The following ADPRHL1 variants were observed in gnomAD, a reference collection of about 807,000 sequenced individuals.
ADPRHL1 encodes the protein inactive ADP-ribosyltransferase ARH2.
In ADPRHL1, 43 loss-of-function variants were observed where a neutral mutation model predicts 44.1. The observed-to-expected ratio is 0.98, with a 90% CI of 0.76 to 1.26. The LOEUF (loss-of-function observed/expected upper bound fraction) is 1.26. Ranked by LOEUF, ADPRHL1 falls within the 50% of genes most tolerant of loss-of-function variation. The probability of loss-of-function intolerance (pLI) is 0.00; values close to 1 mark genes in which losing one functional copy is unlikely to be tolerated. For synonymous variants in ADPRHL1, 878 were observed against 1,017.4 expected (o/e 0.86, Z 2.61); for missense variants, 2,022 against 2,496.9 (o/e 0.81, Z 4.05).
chr13:113,412,579 CCT>C (rs1566467488), intron 7 of ADPRHL1, among the ~76,000 whole-genome samples: 1 of 152,246 alleles, frequency 6.6e-6, no homozygotes, highest in South Asian at 2.1e-4. Flanking sequence ...GGGCGGGACC[CCT>C]GTTGGTTCTG....
chr13:113,434,554 G>A (rs2044033707), intron 2 of ADPRHL1, among the ~76,000 whole-genome samples: 1 of 147,088 alleles, frequency 6.8e-6, no homozygotes, highest in Non-Finnish European at 1.5e-5. Flanking sequence ...CCGGGACCCG[G>A]CACCCAGGTG....
chr13:113,419,344 T>G (rs1482367045), intron 7 of ADPRHL1, among the ~76,000 whole-genome samples: 2 of 145,794 alleles, frequency 1.4e-5, no homozygotes, highest in Non-Finnish European at 3.0e-5. Flanking sequence ...CTCAAACTCC[T>G]AAGCTCAAGC....
chr13:113,405,207 C>G lies in ADPRHL1; in HGVS notation c.4075G>C (p.Glu1359Gln). The change falls in exon 8 of 8, where the codon GAG becomes CAG. Residue 1359 changes from glutamate (E) to glutamine (Q), a missense_variant. By Grantham distance (29) the Glu-to-Gln change is conservative. This residue lies in a region of ADPRHL1 where 1,221 missense variants were observed against 1,517.8 expected (regional missense o/e 0.80). Coordinates refer to ENST00000612156, the MANE Select transcript of ADPRHL1 (RefSeq NM_001394807.1). ...TQAKLRASVP[E>Q]PRTQAGESQE... Reference sequence around the variant, plus strand: ...GATTCACCTGCCTGCGTCCTAGGCTCGGGGACACTGGCCCGGAGCTTTGCC... The same window carrying G: ...GATTCACCTGCCTGCGTCCTAGGCTGGGGGACACTGGCCCGGAGCTTTGCC... 8.1e-7 allele frequency: 1 copy of G among 1,231,914 alleles called. No homozygotes were observed. The highest frequency in any genetic ancestry group is 1.0e-6 in the Non-Finnish European group (1 of 988,102). The allele number at this position is 1,231,914 out of a possible 1,614,324, so 76.3% of individuals were successfully genotyped here.
rs115710551 is a variant in ADPRHL1, at chr13:113,429,359, T to C, written c.506-267A>G. ...CTCCCCAGGCCCTGGCCGCCCCCAG[T>C]TGACTTTTCTGTCTCCGGATGTGAC... On this transcript the variant is annotated intron_variant, in intron 3 of 7. Transcript: ENST00000612156. Among the ~76,000 whole-genome samples the C allele has an allele frequency of 4.1e-3, 617 of 152,300 alleles. 5 individuals are homozygous for C. The highest frequency in any genetic ancestry group is 0.014 in the African/African-American group (578 of 41,576).
At chr13:113,450,147 G>A (rs1475954473) in intron 1 of ADPRHL1, among the ~76,000 whole-genome samples, 1 of 152,060 alleles carries the variant, frequency 6.6e-6, no homozygotes, top group Non-Finnish European at 1.5e-5. Flanking sequence ...AGAACTCCTG[G>A]GCTCAGGCAA....
At position 113,424,233 on chromosome 13, in the gene ADPRHL1, C is replaced by G. The variant is rs1340247445; in HGVS notation, c.891G>C (p.Arg297=). The G allele has an allele frequency of 6.2e-7, 1 of 1,612,698 alleles. No individual in the cohort carries two copies. Among genetic ancestry groups the G allele is most frequent in the Non-Finnish European group, 8.5e-7 (1 of 1,179,866 alleles). Residue 297 remains arginine, a synonymous_variant, in exon 6 of 8, where the codon CGG becomes CGC. Coordinates refer to ENST00000612156, the MANE Select transcript of ADPRHL1 (RefSeq NM_001394807.1). ...AGNSWTELCH[R]AMFHGGESAA... ...ACATCTCACCTCCATGAAACATGGC[C>G]CGGTGACACAGCTCAGTCCAGCTGT...
intron 2 of ADPRHL1, among the ~76,000 whole-genome samples, chr13:113,437,969 T>TA (rs1340849751): frequency 6.6e-6 from 1 of 152,206 alleles, no homozygotes; most frequent in Admixed American, 6.5e-5. Context: ...TAGCTGGGAT[T>TA]ACAGGCACAC....
chr13:113,405,252 G>A lies in ADPRHL1; in HGVS notation c.4030C>T (p.Pro1344Ser). The change falls in exon 8 of 8, where the codon CCT (proline) becomes TCT (serine). Residue 1344 changes from proline to serine, a missense_variant. Pro to Ser is a moderately conservative substitution (Grantham distance 74). Coordinates refer to ENST00000612156, the MANE Select transcript of ADPRHL1 (RefSeq NM_001394807.1). ...GPPHLQAHLP[P>S]TAGDTQAKLR... is the part of the protein sequence containing the mutation. ...TTTGCCTGTGTGTCACCAGCAGTAGGGGGCAGGTGTGCCTGTAGATGGGGA... is the reference window on the plus strand; with the variant it reads ...TTTGCCTGTGTGTCACCAGCAGTAGAGGGCAGGTGTGCCTGTAGATGGGGA... 1 of 1,231,882 alleles carries A rather than the reference G, an allele frequency of 8.1e-7. No individual in the cohort carries two copies. The highest frequency in any genetic ancestry group is 1.0e-6 in the Non-Finnish European group (1 of 988,078). The allele number at this position is 1,231,882 out of a possible 1,614,324, so 76.3% of individuals were successfully genotyped here. A position where few individuals can be genotyped will look rare whatever the true frequency, so the allele number is the denominator to read the frequency against.
rs1356020955 is a variant in ADPRHL1, at chr13:113,453,303, G to A, written c.135C>T (p.His45=). The A allele has an allele frequency of 3.7e-6, 6 of 1,614,090 alleles. No homozygotes were observed. In the African/African-American group the frequency reaches 8.0e-5, roughly 22 times the overall value. ...EELQRSGGLD[H]LVLSPGEWPV... is the part of the protein sequence containing the mutation. ...GCCATTCTCCTGGCGAGAGTACGAG[G>A]TGGTCCAGGCCCCCGGAACGTTGCA... Residue 45 remains histidine (H), a synonymous_variant, in exon 1 of 8, where the codon CAC becomes CAT. Coordinates refer to ENST00000612156, the MANE Select transcript of ADPRHL1 (RefSeq NM_001394807.1). The surrounding 1 kb of genome is among the most constrained non-coding windows in gnomAD (Gnocchi z 5.4).
rs950623948 is a variant in ADPRHL1 at position 113,441,877 on chromosome 13, TC to T, written c.379+2547del. 2.0e-5 allele frequency among the ~76,000 whole-genome samples: 3 copies of T among 151,520 alleles called. No individual in the cohort carries two copies. Among genetic ancestry groups the T allele is most frequent in the African/African-American group, 7.3e-5 (3 of 41,162 alleles). On this transcript the variant is annotated intron_variant, in intron 2 of 7. Coordinates refer to ENST00000612156, the MANE Select transcript of ADPRHL1 (RefSeq NM_001394807.1). The surrounding 1 kb of genome is among the most constrained non-coding windows in gnomAD (Gnocchi z 6.0). ...GGGTCCGTGTCACTATCACACTCTG[TC>T]CCCACCCTGTGTGTGAGTCTGTGTC...
In ADPRHL1 at chr13:113,453,333, CTCCTGGATCT is replaced by C; in HGVS notation, c.95_104del (p.Lys32ArgfsTer21). ...CCAGGCCCCCGGAACGTTGCAGCTC[CTCCTGGATCT>C]TCATGCCTACAGTGCTGTTCTCCTT... On this transcript the variant is annotated frameshift_variant, in exon 1 of 8. Coordinates refer to ENST00000612156, the MANE Select transcript of ADPRHL1 (RefSeq NM_001394807.1). LOFTEE classifies it high-confidence loss of function. The surrounding 1 kb of genome is among the most constrained non-coding windows in gnomAD (Gnocchi z 5.4). 2 of 1,614,224 alleles carry C rather than the reference CTCCTGGATCT, an allele frequency of 1.2e-6. No homozygotes were observed. The highest frequency in any genetic ancestry group is 1.1e-5 in the South Asian group (1 of 91,084).
chr13:113,447,094 G>A (rs1341191985), intron 1 of ADPRHL1, among the ~76,000 whole-genome samples: 1 of 149,128 alleles, frequency 6.7e-6, no homozygotes, highest in Non-Finnish European at 1.5e-5. Flanking sequence ...TGTGCATGGT[G>A]TCTACAGTCA....
At chr13:113,427,308 C>T (rs1196451445) in intron 4 of ADPRHL1, among the ~76,000 whole-genome samples, 1 of 152,244 alleles carries the variant, frequency 6.6e-6, no homozygotes, top group Non-Finnish European at 1.5e-5. Context: ...TGCCTGACTG[C>T]TCACCTGTTT....
intron 3 of ADPRHL1, among the ~76,000 whole-genome samples, chr13:113,432,679 C>T (rs540162933): frequency 3.9e-5 from 6 of 152,318 alleles, no homozygotes; most frequent in East Asian, 3.9e-4. Flanking sequence ...ACGGCCAGGC[C>T]GGCAGAGCTG....
At chr13:113,425,837 C>T (rs1460555226) in intron 4 of ADPRHL1, among the ~76,000 whole-genome samples, 3 of 152,060 alleles carry the variant, frequency 2.0e-5, no homozygotes, top group East Asian at 1.9e-4. Flanking sequence ...CCCACCACCA[C>T]GCCCGGCTAA....
chr13:113,453,128 G>A lies in ADPRHL1; in HGVS notation c.214+96C>T, dbSNP rs549254179. 359 of 1,348,826 alleles carry A rather than the reference G, an allele frequency of 2.7e-4. No homozygotes were observed. Among genetic ancestry groups the A allele is most frequent in the South Asian group, 1.3e-3 (102 of 79,810 alleles). 83.6% of individuals were successfully genotyped at this position (1,348,826 alleles called of 1,614,324 possible). A position where few individuals can be genotyped will look rare whatever the true frequency, so the allele number is the denominator to read the frequency against. ...AGGTAACACCATCCGCTGAAGGACC[G>A]CACTGCCTTCAAAGCTCTCGGAGGC... On this transcript the variant is annotated intron_variant, in intron 1 of 7. Coordinates refer to ENST00000612156, the MANE Select transcript of ADPRHL1 (RefSeq NM_001394807.1). The surrounding 1 kb of genome is among the most constrained non-coding windows in gnomAD (Gnocchi z 5.4).
rs553438665 is a variant in ADPRHL1 at position 113,433,937 on chromosome 13, A to G, written c.380-70T>C. The G allele has an allele frequency of 1.6e-4, 227 of 1,455,078 alleles. 2 individuals carry two copies. In the African/African-American group the frequency reaches 2.9e-3, roughly 19 times the overall value. 90.1% of individuals were successfully genotyped at this position (1,455,078 alleles called of 1,614,324 possible). A position where few individuals can be genotyped will look rare whatever the true frequency, so the allele number is the denominator to read the frequency against. ...TTCCACCCCTGACAATCTAGCTTTC[A>G]TGAATAATTTTAAAAGTAGAAAAAT... On this transcript the variant is annotated intron_variant, in intron 2 of 7. Transcript: ENST00000612156.
intron 6 of ADPRHL1, among the ~76,000 whole-genome samples, chr13:113,423,611 C>T (rs2043942484): frequency 6.6e-6 from 1 of 152,248 alleles, no homozygotes; most frequent in African/African-American, 2.4e-5. Context: ...ACAGCTGCTC[C>T]CACAAGGCAC....
chr13:113,427,718 C>T (rs764796999), intron 4 of ADPRHL1, among the ~76,000 whole-genome samples: 7 of 152,210 alleles, frequency 4.6e-5, no homozygotes, highest in Non-Finnish European at 7.3e-5. Flanking sequence ...TCAGCAGTCA[C>T]GCTTCCTGAG....
Sources: gnomAD v4.1 joint callset for allele counts (sites outside exome capture counted in the v4.1 genomes callset) on GRCh38, gnomAD v4.1.1 for gene constraint, gnomAD v4.1.1 regional missense constraint, Gnocchi (gnomAD v3.1) non-coding constraint, MANE v1.5 for transcripts, NCBI Gene and HGNC (gene_info 2026-07-23, HGNC 2026-07-21) for gene names.